Variants in CCDC102B observed in about 807,000 individuals in gnomAD.
The protein encoded by CCDC102B is coiled-coil domain containing 102B, also known as coiled-coil domain-containing protein 102B.
Under a neutral mutation model 57.4 loss-of-function variants are expected in CCDC102B, and 75 were observed. That is an observed-to-expected ratio of 1.31 (90% CI 1.08 to 1.58). The LOEUF is 1.58. CCDC102B is among the 40% of genes most tolerant of loss of function. The pLI, the probability that CCDC102B is intolerant of heterozygous loss-of-function variation, is 0.00. For missense variants in CCDC102B, 636 were observed against 582.6 expected, an observed-to-expected ratio of 1.09 and a Z score of -0.94; for synonymous variants, 206 against 201.9, an observed-to-expected ratio of 1.02 and a Z score of -0.17.
At chr18:68,856,097 C>T (rs752043685) in intron 4 of CCDC102B, among the ~76,000 whole-genome samples, 1 of 151,982 alleles carries the variant, frequency 6.6e-6, no homozygotes, top group African/African-American at 2.4e-5. Flanking sequence ...TCTTTTTTTA[C>T]TTGATAAAGT....
intron 6 of CCDC102B, among the ~76,000 whole-genome samples, chr18:68,992,564 T>C (rs2050900725): frequency 6.6e-6 from 1 of 152,084 alleles, no homozygotes; most frequent in Non-Finnish European, 1.5e-5. Flanking sequence ...CTATTAGATA[T>C]TTTGAACCTG....
chr18:69,009,252 T>C (rs190697653), intron 6 of CCDC102B, among the ~76,000 whole-genome samples: 7 of 152,328 alleles, frequency 4.6e-5, no homozygotes, highest in African/African-American at 9.6e-5. Context: ...TTATTTTTGA[T>C]ATTTTTAGAT....
chr18:68,851,648 C>T (rs1036973963), intron 4 of CCDC102B, among the ~76,000 whole-genome samples: 2 of 152,084 alleles, frequency 1.3e-5, no homozygotes, highest in African/African-American at 2.4e-5. Context: ...TCAGAATCTA[C>T]TTGTAGTAAC....
intron 6 of CCDC102B, among the ~76,000 whole-genome samples, chr18:68,997,916 G>C (rs1394915311): frequency 6.6e-6 from 1 of 151,934 alleles, no homozygotes; most frequent in East Asian, 1.9e-4. Context: ...TTTTTCTGTT[G>C]TGTTTGTTTA....
intron 6 of CCDC102B, among the ~76,000 whole-genome samples, chr18:68,960,582 G>C (rs1449189179): frequency 6.6e-6 from 1 of 152,118 alleles, no homozygotes; most frequent in African/African-American, 2.4e-5. Context: ...ACCAGAACTT[G>C]CCCAGGATTT....
At chr18:68,945,300 A>G (rs565801197) in intron 6 of CCDC102B, among the ~76,000 whole-genome samples, 15 of 152,260 alleles carry the variant, frequency 9.9e-5, no homozygotes, top group East Asian at 7.7e-4. Context: ...GCTAAATAGT[A>G]TCAATGAATC....
At chr18:68,832,957 G>T (rs568825039) in intron 1 of CCDC102B, among the ~76,000 whole-genome samples, 1 of 152,120 alleles carries the variant, frequency 6.6e-6, no homozygotes, top group Non-Finnish European at 1.5e-5. Context: ...TTTGAGCTAT[G>T]ATGAGGAGAT....
intron 6 of CCDC102B, among the ~76,000 whole-genome samples, 185 bp from the exon 7 acceptor site, chr18:69,010,749 T>G (rs1568123229): frequency 6.6e-6 from 1 of 152,214 alleles, no homozygotes; most frequent in Non-Finnish European, 1.5e-5. Context: ...TAGTCACATA[T>G]CTTTCATTTA....
chr18:69,039,093 A>G (rs1158504605), intron 7 of CCDC102B, among the ~76,000 whole-genome samples: 1 of 151,956 alleles, frequency 6.6e-6, no homozygotes, highest in Non-Finnish European at 1.5e-5. Context: ...TTGCAACCAT[A>G]TGTCATCTCC....
At chr18:68,850,895 C>T (rs534801057) in intron 4 of CCDC102B, among the ~76,000 whole-genome samples, 2 of 152,130 alleles carry the variant, frequency 1.3e-5, no homozygotes, top group East Asian at 3.9e-4. Context: ...TTATACATCA[C>T]TTCATTAAAA....
chr18:69,046,003 T>G (rs1255374252), intron 7 of CCDC102B, among the ~76,000 whole-genome samples: 1 of 152,116 alleles, frequency 6.6e-6, no homozygotes, highest in Non-Finnish European at 1.5e-5. Context: ...TAGTCTACTG[T>G]TGATGGGCAT....
intron 4 of CCDC102B, among the ~76,000 whole-genome samples, chr18:68,860,503 A>G (rs2038701740): frequency 7.8e-6 from 1 of 127,784 alleles, no homozygotes; most frequent in African/African-American, 2.7e-5. Flanking sequence ...CTACAGGATG[A>G]CCTGGCCTTC....
intron 2 of CCDC102B, among the ~76,000 whole-genome samples, chr18:68,737,913 T>G (rs1275683201): frequency 1.3e-5 from 2 of 152,096 alleles, no homozygotes; most frequent in African/African-American, 2.4e-5. Flanking sequence ...GAGACTATAT[T>G]TGTGCACATT....
intron 6 of CCDC102B, among the ~76,000 whole-genome samples, chr18:68,960,375 G>A (rs2050017233): frequency 6.6e-6 from 1 of 151,958 alleles, no homozygotes; most frequent in Admixed American, 6.6e-5. Flanking sequence ...TGGCTGAACT[G>A]GTATCCACAA....
intron 1 of CCDC102B, among the ~76,000 whole-genome samples, chr18:68,806,116 TTAA>T (rs1392113345): frequency 1.3e-5 from 2 of 152,186 alleles, no homozygotes; most frequent in South Asian, 2.1e-4. Context: ...ATTATATGTA[TTAA>T]TAATGTTAAG....
intron 4 of CCDC102B, among the ~76,000 whole-genome samples, chr18:68,863,734 G>A (rs559825690): frequency 1.3e-4 from 19 of 151,480 alleles, no homozygotes; most frequent in Non-Finnish European, 2.2e-4. Context: ...TCTTTTTTTA[G>A]TATCAATATT....
chr18:68,977,564 A>G (rs868134228), intron 6 of CCDC102B, among the ~76,000 whole-genome samples: 2 of 151,846 alleles, frequency 1.3e-5, no homozygotes, highest in African/African-American at 4.8e-5. Flanking sequence ...ACTAAAAAAA[A>G]AAAAACAGGT....
At chr18:68,959,083 T>A (rs1568354624) in intron 6 of CCDC102B, among the ~76,000 whole-genome samples, 1 of 152,170 alleles carries the variant, frequency 6.6e-6, no homozygotes, top group African/African-American at 2.4e-5. Flanking sequence ...TGTGTGGGCA[T>A]TTAAGAGTTA....
intron 2 of CCDC102B, among the ~76,000 whole-genome samples, chr18:68,744,338 C>G (rs1170689490): frequency 6.6e-6 from 1 of 152,122 alleles, no homozygotes; most frequent in Non-Finnish European, 1.5e-5. Flanking sequence ...AACTATTGAA[C>G]TGTGGAGGTT....
Sources: gnomAD v4.1 joint callset for allele counts (sites outside exome capture counted in the v4.1 genomes callset) on GRCh38, gnomAD v4.1.1 for gene constraint, MANE v1.5 for transcripts, NCBI Gene and HGNC (gene_info 2026-07-23, HGNC 2026-07-21) for gene names.